Variants in GALNT18 observed in about 807,000 individuals in gnomAD.
GALNT18 encodes polypeptide N-acetylgalactosaminyltransferase 18.
In GALNT18, 44 loss-of-function variants were observed where a neutral mutation model predicts 69.5. The ratio of observed to expected loss-of-function variants is 0.63; its 90% CI spans 0.50 to 0.81. GALNT18 has a LOEUF of 0.81. GALNT18 is among the 40% of genes least tolerant of loss of function. The probability of loss-of-function intolerance (pLI) is 0.00; values close to 1 mark genes in which losing one functional copy is unlikely to be tolerated. For synonymous variants in GALNT18, 364 were observed against 318.2 expected (o/e 1.14, Z -1.53); for missense variants, 715 against 810.0 (o/e 0.88, Z 1.42).
Position 11,377,410 on chromosome 11 carries a change from A to G in GALNT18, c.780-31T>C. ...CAGAGAGGAGACAGCCAGAGAGGGT[A>G]ACCATTTCCAAGGTGGAAAAATCCA... is the stretch of plus-strand genomic sequence containing the variant. On this transcript the variant is annotated intron_variant, in intron 4 of 10. Coordinates refer to ENST00000227756, the MANE Select transcript of GALNT18 (RefSeq NM_198516.3). The surrounding 1 kb of genome is among the most constrained non-coding windows in gnomAD (Gnocchi z 4.6). 1 of 1,605,270 alleles carries G rather than the reference A, an allele frequency of 6.2e-7. No individual in the cohort carries two copies. Among genetic ancestry groups the G allele is most frequent in the Non-Finnish European group, 8.5e-7 (1 of 1,173,150 alleles).
rs534044512 is a variant in GALNT18, at chr11:11,564,494, C to G, written c.235+56865G>C. 2.6e-5 allele frequency among the ~76,000 whole-genome samples: 4 copies of G among 152,308 alleles called. No individual in the cohort carries two copies. Among genetic ancestry groups the G allele is most frequent in the Admixed American group, 1.3e-4 (2 of 15,298 alleles). ...ATCCATGCCTCCCTTCTTTTCTTCC[C>G]CACGGCCCTATGCATTTTATCTGCC... On this transcript the variant is annotated intron_variant, in intron 1 of 10. Coordinates refer to ENST00000227756, the MANE Select transcript of GALNT18 (RefSeq NM_198516.3). The surrounding 1 kb of genome is among the most constrained non-coding windows in gnomAD (Gnocchi z 4.3).
chr11:11,437,660 C>T (rs1014943090), intron 2 of GALNT18, among the ~76,000 whole-genome samples: 1 of 151,130 alleles, frequency 6.6e-6, no homozygotes, highest in African/African-American at 2.4e-5. Flanking sequence ...CCAGACACCT[C>T]CGTCTTGGAC....
In GALNT18 at chr11:11,501,205, C is replaced by A. The variant is rs574323386; in HGVS notation, c.236-52269G>T. 2.0e-5 allele frequency among the ~76,000 whole-genome samples: 3 copies of A among 152,332 alleles called. No homozygotes were observed. The East Asian group carries it at 5.8e-4, about 29-fold the overall frequency. The stretch of plus-strand genomic sequence containing the variant: ...TTCAGTAATTCACTCAATTATTCAA[C>A]AAACATTGGTTTCATGCTTTGGTGT... On this transcript the variant is annotated intron_variant, in intron 1 of 10. Coordinates refer to ENST00000227756, the MANE Select transcript of GALNT18 (RefSeq NM_198516.3).
chr11:11,451,435 A>G (rs1855796334), intron 1 of GALNT18, among the ~76,000 whole-genome samples: 3 of 152,256 alleles, frequency 2.0e-5, no homozygotes, highest in African/African-American at 7.2e-5. Context: ...ATAATATATT[A>G]TAAACATATT....
At chr11:11,490,584 A>G (rs1367338802) in intron 1 of GALNT18, among the ~76,000 whole-genome samples, 1 of 152,214 alleles carries the variant, frequency 6.6e-6, no homozygotes, top group African/African-American at 2.4e-5. Context: ...GTGATAGAGC[A>G]CTCAGCCCAG....
rs1216675854 is a variant in GALNT18 at position 11,436,527 on chromosome 11, C to T, written c.429-3740G>A. On this transcript the variant is annotated intron_variant, in intron 2 of 10. Transcript: ENST00000227756. The surrounding 1 kb of genome is among the most constrained non-coding windows in gnomAD (Gnocchi z 4.5). ...GGCACAGACTGGCCTTGCTCACAGC[C>T]TCCTGCCCACTGCCTCACACCATGA... Among the ~76,000 whole-genome samples, 1 of 152,176 alleles carries T rather than the reference C, an allele frequency of 6.6e-6. No homozygotes were observed. Among genetic ancestry groups the T allele is most frequent in the Admixed American group, 6.5e-5 (1 of 15,282 alleles).
intron 1 of GALNT18, among the ~76,000 whole-genome samples, chr11:11,570,936 A>G (rs1161891364): frequency 6.6e-6 from 1 of 152,214 alleles, no homozygotes; most frequent in Admixed American, 6.5e-5. Flanking sequence ...TATTAAAGAC[A>G]TGAGGTATTA....
rs1232388346 is a variant in GALNT18 at position 11,320,033 on chromosome 11, G to A, written c.1512+7053C>T. On this transcript the variant is annotated intron_variant, in intron 9 of 10. Coordinates refer to ENST00000227756, the MANE Select transcript of GALNT18 (RefSeq NM_198516.3). The surrounding 1 kb of genome is among the most constrained non-coding windows in gnomAD (Gnocchi z 4.9). ...TCTCTTATGCTGCTACAAGCCAAGG[G>A]ACCACCAACCACCAGCCAATTTCAT... Among the ~76,000 whole-genome samples, 1 of 152,120 alleles carries A rather than the reference G, an allele frequency of 6.6e-6. No individual in the cohort carries two copies. The highest frequency in any genetic ancestry group is 1.9e-4 in the East Asian group (1 of 5,200).
At chr11:11,353,194 G>C (rs992881230) in intron 6 of GALNT18, 117 of 1,585,996 alleles carry the variant, frequency 7.4e-5, no homozygotes, top group African/African-American at 1.1e-4. Context: ...AAGCAGCTTG[G>C]GGGTAAGACC....
rs1168450680 is a variant in GALNT18 at position 11,309,302 on chromosome 11, A to C, written c.1513-16109T>G. Among the ~76,000 whole-genome samples, 2 of 152,154 alleles carry C rather than the reference A, an allele frequency of 1.3e-5. No individual in the cohort carries two copies. Among genetic ancestry groups the C allele is most frequent in the Non-Finnish European group, 2.9e-5 (2 of 68,034 alleles). On this transcript the variant is annotated intron_variant, in intron 9 of 10. Transcript: ENST00000227756. This position sits in a 1 kb window ranked among gnomAD's most constrained non-coding sequence, Gnocchi z 4.6. ...AATTTCTCTTCATTATAAATTTCTC[A>C]GCCTCAGGTTATAGCAACACAAAAT... is the stretch of plus-strand genomic sequence containing the variant.
chr11:11,593,123 C>G (rs1859398795), intron 1 of GALNT18, among the ~76,000 whole-genome samples: 1 of 152,138 alleles, frequency 6.6e-6, no homozygotes, highest in Admixed American at 6.5e-5. Context: ...CCGTGTTAGC[C>G]AGGATGGTCT....
At chr11:11,566,618 T>C (rs1432588770) in intron 1 of GALNT18, among the ~76,000 whole-genome samples, 1 of 152,116 alleles carries the variant, frequency 6.6e-6, no homozygotes, top group African/African-American at 2.4e-5. Context: ...CAAGTATATA[T>C]AGAAAGAAAG....
At chr11:11,501,192 C>T (rs1413730993) in intron 1 of GALNT18, among the ~76,000 whole-genome samples, 1 of 152,204 alleles carries the variant, frequency 6.6e-6, no homozygotes, top group South Asian at 2.1e-4. Context: ...CAGTAATTCA[C>T]TCAATTATTC....
chr11:11,279,426 C>G (rs989476133), intron 10 of GALNT18, among the ~76,000 whole-genome samples: 2 of 152,168 alleles, frequency 1.3e-5, no homozygotes, highest in African/African-American at 4.8e-5. Context: ...TGACCCAACA[C>G]TTCTATCAGA....
chr11:11,311,530 C>T (rs1226444989), intron 9 of GALNT18, among the ~76,000 whole-genome samples: 1 of 152,132 alleles, frequency 6.6e-6, no homozygotes, highest in Non-Finnish European at 1.5e-5. Flanking sequence ...TACATGTTTC[C>T]TGCCTGGGGG....
At chr11:11,410,569 A>G (rs753518029) in intron 3 of GALNT18, among the ~76,000 whole-genome samples, 2 of 152,210 alleles carry the variant, frequency 1.3e-5, no homozygotes, top group African/African-American at 2.4e-5. Flanking sequence ...CTGTATAATT[A>G]ATTTCCATTT....
At chr11:11,368,953 C>T (rs1461021882) in intron 6 of GALNT18, among the ~76,000 whole-genome samples, 2 of 152,186 alleles carry the variant, frequency 1.3e-5, no homozygotes, top group African/African-American at 4.8e-5. Flanking sequence ...AATTGTGTGG[C>T]CTGGGTTAAA....
intron 1 of GALNT18, 127 bp from the exon 2 acceptor site, chr11:11,449,063 G>T: frequency 1.3e-6 from 1 of 763,112 alleles, no homozygotes; most frequent in Non-Finnish European, 2.0e-6. Context: ...CGGGGTCAGT[G>T]CTGACTTGGG....
intron 1 of GALNT18, among the ~76,000 whole-genome samples, chr11:11,488,592 A>T (rs1356059264): frequency 2.6e-5 from 4 of 152,190 alleles, no homozygotes; most frequent in Non-Finnish European, 4.4e-5. Flanking sequence ...TTGGAGAGTC[A>T]AGTGAACAAT....
Sources: gnomAD v4.1 joint callset for allele counts (sites outside exome capture counted in the v4.1 genomes callset) on GRCh38, gnomAD v4.1.1 for gene constraint, Gnocchi (gnomAD v3.1) non-coding constraint, MANE v1.5 for transcripts, NCBI Gene and HGNC (gene_info 2026-07-23, HGNC 2026-07-21) for gene names.